Variants in MTA3 observed in about 807,000 individuals in gnomAD.
The protein encoded by MTA3 is metastasis associated 1 family member 3.
Under a neutral mutation model 83.5 loss-of-function variants are expected in MTA3, and 34 were observed. The observed-to-expected ratio is 0.41, with a 90% confidence interval of 0.31 to 0.54. MTA3 has a LOEUF of 0.54. Ranked by LOEUF, MTA3 falls within the 20% of genes least tolerant of loss-of-function variation. The pLI, the probability that MTA3 is intolerant of heterozygous loss-of-function variation, is 0.33. For synonymous variants in MTA3, 303 were observed against 252.7 expected, an observed-to-expected ratio of 1.20 and a Z score of -1.89; for missense variants, 761 against 726.4, an observed-to-expected ratio of 1.05 and a Z score of -0.55.
Position 42,724,277 on chromosome 2 carries a change from A to AACACACACACACACACACACAC in MTA3, c.1759+1275_1759+1296dup, listed in dbSNP as rs34379999. On this transcript the variant is annotated intron_variant, in intron 16 of 16. Transcript: ENST00000405094. ...AGAAGGTATAAAGTAAGTCCTGAAA[A>AACACACACACACACACACACAC]ACACACACACACACACACACACACA... is the stretch of plus-strand genomic sequence containing the variant. 2.8e-3 allele frequency among the ~76,000 whole-genome samples: 207 copies of AACACACACACACACACACACAC among 73,168 alleles called. 9 individuals are homozygous for AACACACACACACACACACACAC. The highest frequency in any genetic ancestry group is 3.7e-3 in the Non-Finnish European group (151 of 40,618). The allele number at this position is 73,168 out of a possible 152,430, so 48.0% of individuals were successfully genotyped here. A position where few individuals can be genotyped will look rare whatever the true frequency, so the allele number is the denominator to read the frequency against.
upstream of MTA3, chr2:42,494,161 C>T (rs1160343522): frequency 2.0e-5 from 3 of 152,296 alleles, no homozygotes; most frequent in African/African-American, 7.2e-5. Context: ...CCGGGCGCCC[C>T]GCCCTGGACC....
chr2:42,675,116 A>C (rs990582416), intron 8 of MTA3, among the ~76,000 whole-genome samples: 1 of 151,712 alleles, frequency 6.6e-6, no homozygotes, highest in Non-Finnish European at 1.5e-5. Flanking sequence ...GCTTAGTTTC[A>C]AAATTCCTTT....
At chr2:42,590,481 T>A (rs1680836851) in intron 3 of MTA3, among the ~76,000 whole-genome samples, 1 of 152,122 alleles carries the variant, frequency 6.6e-6, no homozygotes, top group Non-Finnish European at 1.5e-5. Context: ...AGATGCCCAG[T>A]CATAAACTTT....
In MTA3 at chr2:42,726,861, C is replaced by G. The variant is rs77614336; in HGVS notation, c.1759+3826C>G. On this transcript the variant is annotated intron_variant, in intron 16 of 16. Transcript: ENST00000405094. ...CCAGGGCCACACACAGGCCCTGTGACCAATCTAATAGAATCTAAACTCCAA... is the reference window on the plus strand; with the variant it reads ...CCAGGGCCACACACAGGCCCTGTGAGCAATCTAATAGAATCTAAACTCCAA... Among the ~76,000 whole-genome samples, 801 of 152,202 alleles carry G rather than the reference C, an allele frequency of 5.3e-3. 2 individuals carry two copies. Among genetic ancestry groups the G allele is most frequent in the Non-Finnish European group, 9.6e-3 (650 of 68,000 alleles).
intron 8 of MTA3, among the ~76,000 whole-genome samples, chr2:42,662,940 A>C (rs1363658166): frequency 6.6e-6 from 1 of 152,062 alleles, no homozygotes; most frequent in Non-Finnish European, 1.5e-5. Context: ...CGTGTTGGTC[A>C]GGCTGGTCTC....
Position 42,704,241 on chromosome 2 carries a change from G to A in MTA3, c.1073G>A (p.Gly358Asp), listed in dbSNP as rs1455844924. ...NQISTSNGKP[G>D]AVNGAVGTTF... ...ATATCCACTAGTAATGGGAAGCCTG[G>A]TGCTGTGAATGGAGCTGTGGGGACC... The change falls in exon 12 of 17, where the codon GGT (glycine) becomes GAT (aspartate). Residue 358 changes from glycine (G) to aspartate (D), a missense_variant. By Grantham distance (94) the Gly-to-Asp change is moderately conservative. Coordinates refer to ENST00000405094, the MANE Select transcript of MTA3 (RefSeq NM_001330442.2). The A allele has an allele frequency of 6.2e-7, 1 of 1,613,834 alleles. No homozygotes were observed. Among genetic ancestry groups the A allele is most frequent in the Non-Finnish European group, 8.5e-7 (1 of 1,179,872 alleles).
intron 2 of MTA3, among the ~76,000 whole-genome samples, chr2:42,556,691 G>A (rs1459855283): frequency 2.0e-5 from 3 of 152,154 alleles, no homozygotes; most frequent in Non-Finnish European, 4.4e-5. Context: ...ACTCCTGGAG[G>A]GAGTCAGTAT....
chr2:42,524,932 C>T (rs1450993224), intron 2 of MTA3, among the ~76,000 whole-genome samples: 2 of 148,960 alleles, frequency 1.3e-5, no homozygotes, highest in African/African-American at 4.9e-5. Flanking sequence ...AGTTGAATTA[C>T]CGAAGGTGAA....
intron 3 of MTA3, among the ~76,000 whole-genome samples, chr2:42,606,962 G>T (rs544137175): frequency 1.3e-5 from 2 of 150,662 alleles, no homozygotes; most frequent in Admixed American, 1.3e-4. Flanking sequence ...GCAGGCATTC[G>T]GCAGACTGAG....
chr2:42,752,815 C>T (rs200185779), intron 16 of MTA3, among the ~76,000 whole-genome samples: 4 of 152,146 alleles, frequency 2.6e-5, no homozygotes, highest in Admixed American at 6.5e-5. Context: ...CCACTAAACC[C>T]GCCTATTCAA....
At chr2:42,610,851 C>T (rs796344438) in intron 4 of MTA3, among the ~76,000 whole-genome samples, 2 of 152,128 alleles carry the variant, frequency 1.3e-5, no homozygotes, top group African/African-American at 4.8e-5. Flanking sequence ...TTTCACTCCT[C>T]TTAGGTTAAA....
intron 2 of MTA3, among the ~76,000 whole-genome samples, chr2:42,571,409 AAGTT>A (rs1678465865): frequency 6.6e-6 from 1 of 150,822 alleles, no homozygotes; most frequent in African/African-American, 2.4e-5. Context: ...AAAAAAAAAA[AAGTT>A]GAGATTTTAG....
intron 16 of MTA3, among the ~76,000 whole-genome samples, chr2:42,748,749 A>G (rs537013901): frequency 1.3e-5 from 2 of 152,278 alleles, no homozygotes; most frequent in East Asian, 1.9e-4. Flanking sequence ...AGCCAGTCCA[A>G]TCATATTTAA....
chr2:42,570,903 C>G (rs964795629), intron 2 of MTA3, among the ~76,000 whole-genome samples: 9 of 151,790 alleles, frequency 5.9e-5, no homozygotes, highest in Non-Finnish European at 1.2e-4. Context: ...ATCCCAGCTA[C>G]TCGAGAGGCT....
At chr2:42,626,095 A>G (rs1238684044) in intron 4 of MTA3, among the ~76,000 whole-genome samples, 1 of 150,376 alleles carries the variant, frequency 6.6e-6, no homozygotes, top group Non-Finnish European at 1.5e-5. Context: ...GGCGCCTGCC[A>G]CCACTCTCAG....
chr2:42,527,796 C>G (rs913468329), intron 2 of MTA3, among the ~76,000 whole-genome samples: 8 of 151,358 alleles, frequency 5.3e-5, no homozygotes, highest in Non-Finnish European at 7.4e-5. Context: ...GTGAGGCCAG[C>G]CTGGTCAATA....
At chr2:42,526,279 G>A (rs1675705082) in intron 2 of MTA3, among the ~76,000 whole-genome samples, 1 of 152,100 alleles carries the variant, frequency 6.6e-6, no homozygotes, top group Admixed American at 6.6e-5. Context: ...TGCCCAAGCT[G>A]GTCTCAAACT....
chr2:42,678,052 A>G (rs1254488899), intron 8 of MTA3, among the ~76,000 whole-genome samples: 2 of 152,338 alleles, frequency 1.3e-5, no homozygotes, highest in East Asian at 1.9e-4. Flanking sequence ...GCTAAACTAC[A>G]CAGTCTGTCT....
At chr2:42,737,383 G>A (rs184371167) in intron 16 of MTA3, among the ~76,000 whole-genome samples, 98 of 152,296 alleles carry the variant, frequency 6.4e-4, no homozygotes, top group African/African-American at 2.3e-3. Context: ...GTTCTGCCTC[G>A]TATTGCTTTC....
Sources: gnomAD v4.1 joint callset for allele counts (sites outside exome capture counted in the v4.1 genomes callset) on GRCh38, gnomAD v4.1.1 for gene constraint, MANE v1.5 for transcripts, NCBI Gene and HGNC (gene_info 2026-07-23, HGNC 2026-07-21) for gene names.